The following FXYD4 variants were observed in gnomAD, a reference collection of about 807,000 sequenced individuals.
The protein encoded by FXYD4 is FXYD domain-containing ion transport regulator 4.
A neutral mutation model predicts 18.3 loss-of-function variants in FXYD4; 14 were observed. The ratio of observed to expected loss-of-function variants is 0.77; its 90% CI spans 0.51 to 1.20. The LOEUF (loss-of-function observed/expected upper bound fraction) is 1.20. FXYD4 is among the 50% of genes most tolerant of loss of function. The pLI is 0.00. For missense variants in FXYD4, 99 were observed against 106.1 expected, an observed-to-expected ratio of 0.93 and a Z score of 0.29; for synonymous variants, 40 against 40.5, an observed-to-expected ratio of 0.99 and a Z score of 0.04.
At chr10:43,373,258 G>T (rs567216682) in intron 2 of FXYD4, among the ~76,000 whole-genome samples, 11 of 152,114 alleles carry the variant, frequency 7.2e-5, no homozygotes, top group Non-Finnish European at 1.2e-4. Flanking sequence ...CCCTTTGTGT[G>T]GGGTTAGGAA....
chr10:43,374,580 G>A, intron 4 of FXYD4, 33 bp from the exon 5 acceptor site: 3 of 1,613,408 alleles, frequency 1.9e-6, no homozygotes, highest in Non-Finnish European at 8.5e-7. Flanking sequence ...TCCTGGTTCT[G>A]GTTCTGAAGT....
At position 43,375,582 on chromosome 10, in the gene FXYD4, CAGGACAGGTGGGGCTGG is replaced by C. The variant is rs768462751; in HGVS notation, c.172+18_172+34del. The C allele has an allele frequency of 6.8e-6, 11 of 1,612,464 alleles. No homozygotes were observed. Among genetic ancestry groups the C allele is most frequent in the African/African-American group, 5.3e-5 (4 of 74,976 alleles). ...GATCGCGGCAGTTCTGAGTGAGTGGCAGGACAGGTGGGGCTGGAGGACAGGGTGGGGCTGGCGGACAG... is the reference window on the plus strand; with the variant it reads ...GATCGCGGCAGTTCTGAGTGAGTGGCAGGACAGGGTGGGGCTGGCGGACAG... On this transcript the variant is annotated intron_variant, in intron 6 of 8. Transcript: ENST00000476166.
intron 5 of FXYD4, among the ~76,000 whole-genome samples, chr10:43,375,141 C>A (rs950697284): frequency 2.0e-5 from 3 of 149,212 alleles, no homozygotes; most frequent in African/African-American, 7.4e-5. Flanking sequence ...ATTCTCCTGT[C>A]TCAGCCTCTC....
intron 1 of FXYD4, among the ~76,000 whole-genome samples, chr10:43,372,357 T>G (rs1380601163): frequency 1.3e-5 from 2 of 152,182 alleles, no homozygotes; most frequent in African/African-American, 4.8e-5. Flanking sequence ...GGATCTCGGC[T>G]CACTGCAACC....
At chr10:43,372,241 G>A (rs765656152) in intron 1 of FXYD4, among the ~76,000 whole-genome samples, 1 of 151,906 alleles carries the variant, frequency 6.6e-6, no homozygotes, top group African/African-American at 2.4e-5. Flanking sequence ...TCCCTCCAGT[G>A]CCTCCCTCCC....
intron 3 of FXYD4, among the ~76,000 whole-genome samples, 180 bp downstream of exon 3, chr10:43,373,963 A>G (rs1262422081): frequency 6.6e-6 from 1 of 152,270 alleles, no homozygotes; most frequent in African/African-American, 2.4e-5. Context: ...TATTGCAAAA[A>G]GGTCCTAATA....
intron 6 of FXYD4, 47 bp downstream of exon 6, chr10:43,375,620 G>A (rs1352013916): frequency 1.9e-6 from 3 of 1,608,360 alleles, no homozygotes; most frequent in Non-Finnish European, 1.7e-6. Flanking sequence ...GGGGCTGGCG[G>A]ACAGGGTGGG....
In FXYD4 at chr10:43,374,339, G is replaced by A. The variant is rs550372674; in HGVS notation, c.38-131G>A. On this transcript the variant is annotated intron_variant, in intron 3 of 8. Coordinates refer to ENST00000476166, the MANE Select transcript of FXYD4 (RefSeq NM_173160.3). ...ACACCCTGAGGCTGTGTGGGGCTGG[G>A]GAGGGCGTGAGGAAGGGAACTGGTG... 9.6e-4 allele frequency: 807 copies of A among 842,782 alleles called. 11 individuals carry two copies. Among genetic ancestry groups the A allele is most frequent in the South Asian group, 7.2e-3 (517 of 72,004 alleles). The allele number at this position is 842,782 out of a possible 1,614,324, so 52.2% of individuals were successfully genotyped here.
In FXYD4 at chr10:43,376,059, C is replaced by T. The variant is rs754886324; in HGVS notation, c.240C>T (p.Leu80=). The T allele has an allele frequency of 2.5e-6, 4 of 1,614,156 alleles. No homozygotes were observed. The highest frequency in any genetic ancestry group is 2.2e-5 in the East Asian group (1 of 44,882). ...CTGTACCTGAGAAGGCCATCCCACTCATCACTCCAGGTGAGACGGGCTTCT... is the reference window on the plus strand; with the variant it reads ...CTGTACCTGAGAAGGCCATCCCACTTATCACTCCAGGTGAGACGGGCTTCT... ...HSPVPEKAIP[L]ITPGSATTC is the part of the protein sequence containing the mutation. Residue 80 remains leucine, a synonymous_variant, in exon 8 of 9, where the codon CTC becomes CTT. Transcript: ENST00000476166.
At chr10:43,375,795 A>C (rs1273069898) in intron 7 of FXYD4, 61 bp downstream of exon 7, 37 of 1,541,820 alleles carry the variant, frequency 2.4e-5, no homozygotes, top group Non-Finnish European at 3.2e-5. Context: ...GACAGTCCTG[A>C]CCTGGAGAGT....
Position 43,374,505 on chromosome 10 carries a change from G to A in FXYD4, c.70+3G>A, listed in dbSNP as rs1837844316. On this transcript the variant is annotated splice_donor_region_variant and intron_variant, in intron 4 of 8. Transcript: ENST00000476166. ...CTTGGAAGCCAATGACCCATTTGGTGAGTGAGGCCCCCAAACAGCCTGCCC... is the reference window on the plus strand; with the variant it reads ...CTTGGAAGCCAATGACCCATTTGGTAAGTGAGGCCCCCAAACAGCCTGCCC... The A allele has an allele frequency of 1.9e-6, 3 of 1,614,124 alleles. No homozygotes were observed. Among genetic ancestry groups the A allele is most frequent in the Non-Finnish European group, 2.5e-6 (3 of 1,179,972 alleles).
In FXYD4 at chr10:43,376,069, G is replaced by T. The variant is rs770987377; in HGVS notation, c.250G>T (p.Gly84Cys). 13 of 1,614,118 alleles carry T rather than the reference G, an allele frequency of 8.1e-6. No individual in the cohort carries two copies. The East Asian group carries it at 2.9e-4, about 36-fold the overall frequency. Reference protein sequence around the residue: ...PEKAIPLITPGSATTC With the variant: ...PEKAIPLITPCSATTC ...GAAGGCCATCCCACTCATCACTCCA[G>T]GTGAGACGGGCTTCTGTGGGCTGAG... The change falls in exon 8 of 9, where the codon GGC becomes TGC. Residue 84 changes from glycine (G) to cysteine (C), a missense_variant and splice_region_variant. Transcript: ENST00000476166.
At position 43,376,198 on chromosome 10, in the gene FXYD4, G is replaced by A. The variant is rs1837869849; in HGVS notation, c.*32G>A. ...GACTGGCCTCCAGGGATGGCCTGAA[G>A]CCTAACACTGGCCCCCAGCACCTCC... On this transcript the variant is annotated 3_prime_UTR_variant, in exon 9 of 9. Coordinates refer to ENST00000476166, the MANE Select transcript of FXYD4 (RefSeq NM_173160.3). The A allele has an allele frequency of 2.5e-6, 4 of 1,611,516 alleles. No homozygotes were observed. The African/African-American group carries it at 4.0e-5, about 16-fold the overall frequency.
chr10:43,373,423 G>A, intron 2 of FXYD4, 92 bp from the exon 3 acceptor site: 1 of 374,286 alleles, frequency 2.7e-6, no homozygotes, highest in East Asian at 4.1e-5. Context: ...TTGTCGCATG[G>A]ATTTTAACAA....
In FXYD4 at chr10:43,375,509, C is replaced by A; in HGVS notation, c.108C>A (p.Asn36Lys). 1.2e-6 allele frequency: 2 copies of A among 1,613,830 alleles called. No homozygotes were observed. Among genetic ancestry groups the A allele is most frequent in the Non-Finnish European group, 1.7e-6 (2 of 1,179,784 alleles). The part of the protein sequence containing the change: ...KDDPFYYDWK[N>K]LQLSGLICGG... The stretch of plus-strand genomic sequence containing the variant: ...CTGTACCCACCCCAGACTGGAAAAA[C>A]CTGCAGCTGAGCGGACTGATCTGCG... Residue 36 changes from asparagine to lysine, a missense_variant, in exon 6 of 9, where the codon AAC (asparagine) becomes AAA (lysine). Physicochemically the swap from Asn to Lys is moderately conservative, Grantham distance 94. Transcript: ENST00000476166.
chr10:43,375,873 GC>G (rs1837865403), intron 7 of FXYD4, 139 bp downstream of exon 7: 4 of 1,210,636 alleles, frequency 3.3e-6, no homozygotes, highest in African/African-American at 3.0e-5. Context: ...ACCCTGAAGG[GC>G]CCCAGTCAGG....
At position 43,375,791 on chromosome 10, in the gene FXYD4, C is replaced by A. The variant is rs539920765; in HGVS notation, c.212+57C>A. The A allele has an allele frequency of 1.3e-5, 21 of 1,557,444 alleles. No individual in the cohort carries two copies. The African/African-American group carries it at 2.4e-4, about 18-fold the overall frequency. ...CGGGGCAGAACTACGGGGGGACAGT[C>A]CTGACCTGGAGAGTGGACAGCATCC... is the stretch of plus-strand genomic sequence containing the variant. On this transcript the variant is annotated intron_variant, in intron 7 of 8. Transcript: ENST00000476166.
chr10:43,373,613 C>A lies in FXYD4; in HGVS notation c.-134C>A. On this transcript the variant is annotated 5_prime_UTR_variant, in exon 3 of 9. Transcript: ENST00000476166. ...TTGGGGTTTGTACACCTACTTTCAC[C>A]ATGGGGCTCTGCCTGCCCCCGCCCC... 2 of 728,302 alleles carry A rather than the reference C, an allele frequency of 2.7e-6. No homozygotes were observed. Among genetic ancestry groups the A allele is most frequent in the Non-Finnish European group, 5.1e-6 (2 of 394,532 alleles). The allele number at this position is 728,302 out of a possible 1,614,324, so 45.1% of individuals were successfully genotyped here.
intron 7 of FXYD4, 31 bp from the exon 8 acceptor site, chr10:43,376,001 T>C: frequency 1.2e-6 from 2 of 1,612,934 alleles, no homozygotes; most frequent in African/African-American, 2.7e-5. Context: ...CAGGCTAACC[T>C]GATACTACTC....
Sources: gnomAD v4.1 joint callset for allele counts (sites outside exome capture counted in the v4.1 genomes callset) on GRCh38, gnomAD v4.1.1 for gene constraint, MANE v1.5 for transcripts, NCBI Gene and HGNC (gene_info 2026-07-23, HGNC 2026-07-21) for gene names.